The following FOXP1 variants were observed in gnomAD, a reference collection of about 807,000 sequenced individuals.
FOXP1 encodes forkhead box P1.
FOXP1 carries 15 observed loss-of-function variants against 98.2 expected under a neutral mutation model. The observed-to-expected ratio is 0.15, with a 90% confidence interval of 0.10 to 0.24. The LOEUF (loss-of-function observed/expected upper bound fraction) is 0.24. Ranked by LOEUF, FOXP1 falls within the 10% of genes least tolerant of loss-of-function variation. The pLI, the probability that FOXP1 is intolerant of heterozygous loss-of-function variation, is 1.00. For synonymous variants in FOXP1, 371 were observed against 314.5 expected (o/e 1.18, Z -1.90); for missense variants, 633 against 848.5 (o/e 0.75, Z 3.15).
intron 2 of FOXP1, among the ~76,000 whole-genome samples, chr3:71,550,353 T>C (rs1029620342): frequency 2.0e-5 from 3 of 152,214 alleles, no homozygotes; most frequent in Admixed American, 1.3e-4. Flanking sequence ...TGAGCTAATA[T>C]GTTATATAAC....
chr3:71,005,323 A>AAAG (rs1553687838), intron 12 of FOXP1, among the ~76,000 whole-genome samples: 2 of 143,830 alleles, frequency 1.4e-5, no homozygotes, highest in African/African-American at 2.7e-5. Flanking sequence ...TTAAAAAAAA[A>AAAG]AAAAAAAAAA....
At chr3:71,330,306 T>C (rs1219888673) in intron 4 of FOXP1, among the ~76,000 whole-genome samples, 2 of 152,232 alleles carry the variant, frequency 1.3e-5, no homozygotes, top group African/African-American at 2.4e-5. Flanking sequence ...TTCTTGTGAT[T>C]TTAATCTTAT....
intron 3 of FOXP1, among the ~76,000 whole-genome samples, chr3:71,457,599 T>G (rs2087627871): frequency 6.6e-6 from 1 of 152,198 alleles, no homozygotes; most frequent in South Asian, 2.1e-4. Flanking sequence ...ATTACAGTGC[T>G]TTTGCAGATT....
At chr3:71,207,541 G>A (rs2064140330) in intron 5 of FOXP1, among the ~76,000 whole-genome samples, 1 of 152,060 alleles carries the variant, frequency 6.6e-6, no homozygotes, top group Non-Finnish European at 1.5e-5. Flanking sequence ...TTTCCCCCCT[G>A]AAACTTGCTC....
intron 2 of FOXP1, among the ~76,000 whole-genome samples, chr3:71,523,597 G>A (rs1177548229): frequency 5.3e-5 from 8 of 152,042 alleles, no homozygotes; most frequent in Non-Finnish European, 1.2e-4. Context: ...GTGACATCCC[G>A]AGTCACCTTA....
At chr3:71,204,049 T>C (rs563990926) in intron 5 of FOXP1, among the ~76,000 whole-genome samples, 3 of 152,292 alleles carry the variant, frequency 2.0e-5, no homozygotes, top group African/African-American at 7.2e-5. Flanking sequence ...AACACATGCC[T>C]CTTACTTTAT....
intron 4 of FOXP1, among the ~76,000 whole-genome samples, chr3:71,314,670 G>A (rs1652251967): frequency 6.6e-6 from 1 of 151,862 alleles, no homozygotes. Flanking sequence ...CCCCTCAATA[G>A]TAGTTGGAGA....
At chr3:71,384,853 TG>T (rs1323175012) in intron 3 of FOXP1, among the ~76,000 whole-genome samples, 1 of 152,148 alleles carries the variant, frequency 6.6e-6, no homozygotes, top group Non-Finnish European at 1.5e-5. Context: ...GCTACTAGCA[TG>T]GGAAGGCAAT....
chr3:71,366,005 G>T (rs917008670), intron 3 of FOXP1, among the ~76,000 whole-genome samples: 1 of 152,052 alleles, frequency 6.6e-6, no homozygotes, highest in Non-Finnish European at 1.5e-5. Flanking sequence ...AAAACAAGAT[G>T]TTCCTTCTTA....
intron 3 of FOXP1, among the ~76,000 whole-genome samples, chr3:71,374,550 G>A (rs1012456585): frequency 4.0e-5 from 6 of 151,310 alleles, no homozygotes; most frequent in African/African-American, 9.7e-5. Flanking sequence ...CCAAGAGTGC[G>A]CCACTAAACT....
intron 12 of FOXP1, among the ~76,000 whole-genome samples, chr3:71,003,277 T>C (rs1043763738): frequency 6.6e-6 from 1 of 152,244 alleles, no homozygotes; most frequent in Admixed American, 6.5e-5. Flanking sequence ...AGTGAGAGCC[T>C]GGTTCTGTGT....
chr3:71,439,859 T>C (rs1456489638), intron 3 of FOXP1, among the ~76,000 whole-genome samples: 1 of 151,460 alleles, frequency 6.6e-6, no homozygotes, highest in African/African-American at 2.4e-5. Flanking sequence ...GGCAGGAGAA[T>C]TGCCTGAACC....
intron 11 of FOXP1, among the ~76,000 whole-genome samples, chr3:71,024,822 T>A (rs2045907786): frequency 6.6e-6 from 1 of 152,228 alleles, no homozygotes; most frequent in South Asian, 2.1e-4. Context: ...TAACTTTACA[T>A]CTGAAATACA....
chr3:71,396,962 A>ATACACATATATG (rs1560424349), intron 3 of FOXP1, among the ~76,000 whole-genome samples: 1 of 24,744 alleles, frequency 4.0e-5, no homozygotes, highest in Non-Finnish European at 1.1e-4. Flanking sequence ...ATATATATAT[A>ATACACATATATG]TGTGTGTATA....
chr3:71,581,621 C>G lies in FOXP1; in HGVS notation c.-370G>C, dbSNP rs896476995. ...AGGAGGCGCCGGCAGCACCATGGTCCCCGGCGCCGCTGCCGCTGCCCCCGG... is the reference window on the plus strand; with the variant it reads ...AGGAGGCGCCGGCAGCACCATGGTCGCCGGCGCCGCTGCCGCTGCCCCCGG... On this transcript the variant is annotated 5_prime_UTR_variant, in exon 2 of 21. Coordinates refer to ENST00000649528, the MANE Select transcript of FOXP1 (RefSeq NM_001349338.3). The G allele has an allele frequency of 1.0e-6, 1 of 985,666 alleles. No individual in the cohort carries two copies. Among genetic ancestry groups the G allele is most frequent in the Non-Finnish European group, 1.2e-6 (1 of 830,060 alleles). 61.1% of individuals were successfully genotyped at this position (985,666 alleles called of 1,614,324 possible).
intron 6 of FOXP1, among the ~76,000 whole-genome samples, chr3:71,171,399 C>T (rs1432476445): frequency 3.3e-5 from 5 of 152,156 alleles, no homozygotes; most frequent in Non-Finnish European, 7.3e-5. Context: ...TTTCGCTATT[C>T]CTGGGGGAAC....
chr3:71,465,847 G>A (rs751814090), intron 3 of FOXP1, among the ~76,000 whole-genome samples: 5 of 152,232 alleles, frequency 3.3e-5, no homozygotes, highest in African/African-American at 9.6e-5. Flanking sequence ...CATCAGCAGC[G>A]GCATTGGATT....
intron 3 of FOXP1, among the ~76,000 whole-genome samples, chr3:71,406,116 C>T (rs753422280): frequency 3.9e-5 from 6 of 152,120 alleles, no homozygotes; most frequent in Non-Finnish European, 8.8e-5. Flanking sequence ...ATACCAGGCA[C>T]GTGGTCCTTC....
At chr3:71,090,554 A>G (rs1332971586) in intron 7 of FOXP1, among the ~76,000 whole-genome samples, 1 of 152,214 alleles carries the variant, frequency 6.6e-6, no homozygotes, top group Non-Finnish European at 1.5e-5. Flanking sequence ...TTCCCAACAC[A>G]TCAAGACACA....
Sources: allele counts gnomAD v4.1 joint callset (sites outside exome capture counted in the v4.1 genomes callset), GRCh38; gene constraint gnomAD v4.1.1; transcripts MANE v1.5; gene names NCBI Gene and HGNC (gene_info 2026-07-23, HGNC 2026-07-21).